Variants in GRIA4 observed in about 807,000 individuals in gnomAD.
GRIA4 encodes the protein glutamate ionotropic receptor AMPA type subunit 4.
Under a neutral mutation model 104.0 loss-of-function variants are expected in GRIA4, and 34 were observed. The ratio of observed to expected loss-of-function variants is 0.33; its 90% CI spans 0.25 to 0.44. The LOEUF (loss-of-function observed/expected upper bound fraction) is 0.44. Ranked by LOEUF, GRIA4 falls within the 20% of genes least tolerant of loss-of-function variation. GRIA4 has a pLI of 1.00. For synonymous variants in GRIA4, 386 were observed against 381.9 expected, an observed-to-expected ratio of 1.01 and a Z score of -0.13; for missense variants, 750 against 1,096.5, an observed-to-expected ratio of 0.68 and a Z score of 4.46.
rs891564653 is a variant in GRIA4, at chr11:105,623,956, T to C, written c.247+11522T>C. On this transcript the variant is annotated intron_variant, in intron 3 of 16. Transcript: ENST00000282499. ...TATCCTTGAATAAATGAATGAGAAA[T>C]ACATGGTGAGTTTTCTCTTCATTCA... Among the ~76,000 whole-genome samples the C allele has an allele frequency of 2.6e-5, 4 of 152,176 alleles. No homozygotes were observed. The East Asian group carries it at 7.7e-4, about 29-fold the overall frequency.
At chr11:105,747,204 G>T (rs1939712529) in intron 3 of GRIA4, among the ~76,000 whole-genome samples, 1 of 152,018 alleles carries the variant, frequency 6.6e-6, no homozygotes, top group African/African-American at 2.4e-5. Context: ...TGGAATAATT[G>T]GGATAAGTAA....
intron 4 of GRIA4, among the ~76,000 whole-genome samples, chr11:105,794,512 T>TATACACAC (rs1313325715): frequency 1.9e-5 from 2 of 106,906 alleles, no homozygotes; most frequent in South Asian, 3.0e-4. Flanking sequence ...TATATATATA[T>TATACACAC]ACATATACAC....
chr11:105,900,370 C>G (rs1005788718), intron 7 of GRIA4, among the ~76,000 whole-genome samples: 5 of 152,078 alleles, frequency 3.3e-5, no homozygotes, highest in African/African-American at 1.2e-4. Flanking sequence ...GCCAATCAGG[C>G]CTTTCCAAGT....
chr11:105,760,399 C>G (rs1350006387), intron 4 of GRIA4, among the ~76,000 whole-genome samples: 1 of 152,150 alleles, frequency 6.6e-6, no homozygotes, highest in African/African-American at 2.4e-5. Flanking sequence ...GGCCCCAGTA[C>G]TGCCCTCCTT....
rs962201981 is a variant in GRIA4, at chr11:105,783,661, T to C, written c.487+30441T>C. On this transcript the variant is annotated intron_variant, in intron 4 of 16. Transcript: ENST00000282499. ...TTGGATATTTTTCACTCACAGACAG[T>C]ATTAAAACATTTTATGAACTACACT... Among the ~76,000 whole-genome samples the C allele has an allele frequency of 2.6e-5, 4 of 152,172 alleles. No homozygotes were observed. In the East Asian group the frequency reaches 5.8e-4, roughly 22 times the overall value.
chr11:105,905,791 T>C (rs1947022694), intron 9 of GRIA4, among the ~76,000 whole-genome samples: 1 of 152,168 alleles, frequency 6.6e-6, no homozygotes, highest in Non-Finnish European at 1.5e-5. Context: ...GTAAGATTAT[T>C]ATTAGGCTGA....
intron 10 of GRIA4, among the ~76,000 whole-genome samples, chr11:105,911,544 T>C (rs1045379732): frequency 6.6e-6 from 1 of 151,380 alleles, no homozygotes; most frequent in African/African-American, 2.4e-5. Context: ...TTTTTAGTAA[T>C]GTTGAGTTGT....
chr11:105,664,156 T>G lies in GRIA4; in HGVS notation c.247+51722T>G, dbSNP rs73627636. 4.6e-3 allele frequency among the ~76,000 whole-genome samples: 689 copies of G among 148,814 alleles called. 6 individuals carry two copies. The highest frequency in any genetic ancestry group is 0.016 in the African/African-American group (659 of 40,384). ...GAAGAATATAACACAGCCAAGGTGT[T>G]GATTTTATGGAACCTACATTCTAGT... On this transcript the variant is annotated intron_variant, in intron 3 of 16. Coordinates refer to ENST00000282499, the MANE Select transcript of GRIA4 (RefSeq NM_000829.4).
Position 105,918,862 on chromosome 11 carries a change from G to C in GRIA4, c.1420G>C (p.Ala474Pro). 6.2e-7 allele frequency: 1 copy of C among 1,611,572 alleles called. No individual in the cohort carries two copies. Among genetic ancestry groups the C allele is most frequent in the South Asian group, 1.1e-5 (1 of 91,052 alleles). The change falls in exon 11 of 17, where the codon GCA becomes CCA. Residue 474 changes from alanine to proline, a missense_variant. Physicochemically the swap from Ala to Pro is conservative, Grantham distance 27. Coordinates refer to ENST00000282499, the MANE Select transcript of GRIA4 (RefSeq NM_000829.4). ...IAIVPDGKYG[A>P]RDADTKIWNG... ...CATTGTCCCTGATGGAAAATATGGAGCAAGGGATGCAGACACAAAAATCTG... is the reference window on the plus strand; with the variant it reads ...CATTGTCCCTGATGGAAAATATGGACCAAGGGATGCAGACACAAAAATCTG...
chr11:105,923,069 C>G (rs573138225), intron 11 of GRIA4, among the ~76,000 whole-genome samples: 87 of 152,188 alleles, frequency 5.7e-4, no homozygotes, highest in African/African-American at 1.9e-3. Flanking sequence ...TCTAACCCCC[C>G]AGTTGCCCTT....
chr11:105,878,034 C>T (rs1011613995), intron 5 of GRIA4, among the ~76,000 whole-genome samples: 1 of 152,182 alleles, frequency 6.6e-6, no homozygotes, highest in Admixed American at 6.5e-5. Flanking sequence ...GGTTTTTCCT[C>T]ATCTTCATGG....
chr11:105,974,589 G>A (rs1277271402), intron 16 of GRIA4, 145 bp downstream of exon 16: 4 of 1,597,888 alleles, frequency 2.5e-6, no homozygotes, highest in African/African-American at 1.3e-5. Flanking sequence ...AGTGAGTGGG[G>A]GATGCATCCT....
intron 14 of GRIA4, chr11:105,965,998 C>A (rs769979667): frequency 1.2e-6 from 2 of 1,613,584 alleles, no homozygotes. Context: ...GCCTCTTGGA[C>A]AAATTGAAAA....
At chr11:105,744,975 C>A (rs956064059) in intron 3 of GRIA4, among the ~76,000 whole-genome samples, 2 of 151,972 alleles carry the variant, frequency 1.3e-5, no homozygotes, top group Non-Finnish European at 2.9e-5. Context: ...GGATACAGTA[C>A]ATTTCAAAAA....
chr11:105,775,574 A>G (rs934937713), intron 4 of GRIA4, among the ~76,000 whole-genome samples: 2 of 152,150 alleles, frequency 1.3e-5, no homozygotes, highest in Non-Finnish European at 2.9e-5. Flanking sequence ...AGGAAAAACC[A>G]TTTCACTATA....
chr11:105,629,873 T>C (rs935852022), intron 3 of GRIA4, among the ~76,000 whole-genome samples: 3 of 152,216 alleles, frequency 2.0e-5, no homozygotes, highest in African/African-American at 7.2e-5. Flanking sequence ...GAAAATAAGC[T>C]TTAATGAACT....
At chr11:105,663,974 T>A (rs1952088664) in intron 3 of GRIA4, among the ~76,000 whole-genome samples, 1 of 151,376 alleles carries the variant, frequency 6.6e-6, no homozygotes, top group Non-Finnish European at 1.5e-5. Context: ...TGTGGGCCCT[T>A]ACTACCATGA....
chr11:105,654,021 A>G lies in GRIA4; in HGVS notation c.247+41587A>G, dbSNP rs796371523. 6.1e-3 allele frequency among the ~76,000 whole-genome samples: 914 copies of G among 148,816 alleles called. 14 individuals carry two copies. Among genetic ancestry groups the G allele is most frequent in the East Asian group, 0.037 (188 of 5,046 alleles). On this transcript the variant is annotated intron_variant, in intron 3 of 16. Coordinates refer to ENST00000282499, the MANE Select transcript of GRIA4 (RefSeq NM_000829.4). The stretch of plus-strand genomic sequence containing the variant: ...AGCCAAAAAAAAAAAAAAAAAAAAA[A>G]AAAAAAGAAAACAAAAAAGAAGAAG...
At chr11:105,655,759 T>A (rs1428705256) in intron 3 of GRIA4, among the ~76,000 whole-genome samples, 1 of 152,176 alleles carries the variant, frequency 6.6e-6, no homozygotes, top group East Asian at 1.9e-4. Flanking sequence ...TGGTTCCAAG[T>A]CTTTGCTACT....
Sources: gnomAD v4.1 joint callset for allele counts (sites outside exome capture counted in the v4.1 genomes callset) on GRCh38, gnomAD v4.1.1 for gene constraint, MANE v1.5 for transcripts, NCBI Gene and HGNC (gene_info 2026-07-23, HGNC 2026-07-21) for gene names.